Variants in ADGRV1 observed in about 807,000 individuals in gnomAD.
The protein encoded by ADGRV1 is G-protein coupled receptor 98.
In ADGRV1, 359 loss-of-function variants were observed where a neutral mutation model predicts 596.2. That is an observed-to-expected ratio of 0.60 (90% CI 0.55 to 0.66). ADGRV1 has a LOEUF of 0.66. ADGRV1 is among the 30% of genes least tolerant of loss of function. ADGRV1 has a pLI of 0.00. For synonymous variants in ADGRV1, 2,681 were observed against 2,679.2 expected (o/e 1.00, Z -0.02); for missense variants, 7,274 against 7,575.6 (o/e 0.96, Z 1.48).
intron 9 of ADGRV1, among the ~76,000 whole-genome samples, chr5:90,631,790 G>C (rs909634841): frequency 3.3e-5 from 5 of 152,044 alleles, no homozygotes; most frequent in African/African-American, 1.2e-4. Context: ...GGGCCCTTGT[G>C]AGCATTAAGT....
chr5:90,874,038 G>A (rs1581389199), intron 83 of ADGRV1, among the ~76,000 whole-genome samples: 1 of 152,064 alleles, frequency 6.6e-6, no homozygotes, highest in Non-Finnish European at 1.5e-5. Context: ...AGACTAAATT[G>A]ACTCTAATCA....
chr5:91,006,812 T>C (rs375294824), intron 85 of ADGRV1, among the ~76,000 whole-genome samples: 2 of 152,312 alleles, frequency 1.3e-5, no homozygotes, highest in African/African-American at 4.8e-5. Context: ...ATAGATCAGC[T>C]TCTGTATCTG....
At chr5:90,974,548 C>A (rs1041867025) in intron 84 of ADGRV1, among the ~76,000 whole-genome samples, 1 of 152,016 alleles carries the variant, frequency 6.6e-6, no homozygotes, top group Non-Finnish European at 1.5e-5. Flanking sequence ...TAATACCACA[C>A]GTCTACAACC....
intron 87 of ADGRV1, among the ~76,000 whole-genome samples, chr5:91,143,583 G>A (rs1403383745): frequency 6.6e-6 from 1 of 152,182 alleles, no homozygotes; most frequent in Non-Finnish European, 1.5e-5. Context: ...GCTCAAGGCT[G>A]GCTGAATCTG....
intron 21 of ADGRV1, among the ~76,000 whole-genome samples, chr5:90,671,943 A>G (rs188853082): frequency 1.5e-3 from 227 of 152,318 alleles, no homozygotes; most frequent in South Asian, 6.6e-3. Flanking sequence ...TATATTAAGC[A>G]TGGTATAAGA....
At chr5:90,710,117 T>A (rs1371464682) in intron 39 of ADGRV1, among the ~76,000 whole-genome samples, 1 of 152,166 alleles carries the variant, frequency 6.6e-6, no homozygotes, top group Non-Finnish European at 1.5e-5. Flanking sequence ...TCCTGGACAG[T>A]GTTGTTCTTT....
At chr5:91,109,441 G>A (rs1792174146) in intron 87 of ADGRV1, among the ~76,000 whole-genome samples, 1 of 152,140 alleles carries the variant, frequency 6.6e-6, no homozygotes, top group Admixed American at 6.6e-5. Context: ...GATTTTCACT[G>A]TGCTTTATTT....
At position 90,561,174 on chromosome 5, in the gene ADGRV1, C is replaced by A. The variant is rs148578783; in HGVS notation, c.22+2257C>A. On this transcript the variant is annotated intron_variant, in intron 1 of 89. Coordinates refer to ENST00000405460, the MANE Select transcript of ADGRV1 (RefSeq NM_032119.4). ...AGAAACCGAGGCAGAGAGATCTATG[C>A]CCTGGGAGGACCCACAAAAAAATAC... 3.5e-3 allele frequency among the ~76,000 whole-genome samples: 532 copies of A among 152,142 alleles called. 4 individuals are homozygous for A. The highest frequency in any genetic ancestry group is 0.012 in the African/African-American group (484 of 41,514).
chr5:90,770,684 C>T (rs1757595940), intron 59 of ADGRV1, among the ~76,000 whole-genome samples: 1 of 151,998 alleles, frequency 6.6e-6, no homozygotes, highest in South Asian at 2.1e-4. Flanking sequence ...TATATGTGCT[C>T]ATGGAAAACA....
chr5:90,883,512 C>T (rs1769991221), intron 83 of ADGRV1, among the ~76,000 whole-genome samples: 1 of 152,092 alleles, frequency 6.6e-6, no homozygotes, highest in South Asian at 2.1e-4. Context: ...ACTGGTCATT[C>T]CTGTGATACA....
chr5:90,849,334 C>G (rs918369959), intron 79 of ADGRV1, among the ~76,000 whole-genome samples: 1 of 152,136 alleles, frequency 6.6e-6, no homozygotes. Context: ...AATTTTATAA[C>G]TATATGTTAA....
intron 87 of ADGRV1, among the ~76,000 whole-genome samples, chr5:91,112,106 ACCAG>A (rs1792424691): frequency 6.6e-6 from 1 of 152,214 alleles, no homozygotes; most frequent in African/African-American, 2.4e-5. Flanking sequence ...CTGTTGATTG[ACCAG>A]GCATAGTTCT....
At chr5:90,912,625 G>A (rs116528925) in intron 83 of ADGRV1, among the ~76,000 whole-genome samples, 2,556 of 152,090 alleles carry the variant, frequency 0.017, 81 homozygotes, top group African/African-American at 0.058. Flanking sequence ...CTTACAATGT[G>A]GTATAAGTGA....
At chr5:90,627,093 G>A (rs2149375451) in intron 6 of ADGRV1, 118 bp from the exon 7 acceptor site, 2 of 555,730 alleles carry the variant, frequency 3.6e-6, no homozygotes, top group Non-Finnish European at 6.1e-6. Flanking sequence ...TGCTCCCTCA[G>A]TTAAAGAATT....
At chr5:90,992,945 A>C (rs1781090748) in intron 85 of ADGRV1, among the ~76,000 whole-genome samples, 1 of 152,190 alleles carries the variant, frequency 6.6e-6, no homozygotes, top group African/African-American at 2.4e-5. Flanking sequence ...GTGTGCATAC[A>C]TACTTACATA....
Position 90,810,220 on chromosome 5 carries a change from A to AT in ADGRV1, c.14973-6dup, listed in dbSNP as rs1219797163. On this transcript the variant is annotated splice_polypyrimidine_tract_variant and intron_variant, in intron 73 of 89. Transcript: ENST00000405460. ...AAAAAATCAATTTCTTCATGATTTAATTTTTTTCCCAGATCAGGTTTCATT... is the reference window on the plus strand; with the variant it reads ...AAAAAATCAATTTCTTCATGATTTAATTTTTTTTCCCAGATCAGGTTTCATT... The AT allele has an allele frequency of 6.6e-7, 1 of 1,521,056 alleles. No individual in the cohort carries two copies. Among genetic ancestry groups the AT allele is most frequent in the Admixed American group, 2.3e-5 (1 of 42,938 alleles). 94.2% of individuals were successfully genotyped at this position (1,521,056 alleles called of 1,614,324 possible).
chr5:90,804,360 C>G (rs1422507018), intron 71 of ADGRV1, among the ~76,000 whole-genome samples: 1 of 151,858 alleles, frequency 6.6e-6, no homozygotes, highest in Non-Finnish European at 1.5e-5. Context: ...CGAGATCGTA[C>G]CATTGCACTC....
At chr5:90,668,153 A>G (rs11952788) in intron 21 of ADGRV1, among the ~76,000 whole-genome samples, 4,698 of 151,260 alleles carry the variant, frequency 0.031, 232 homozygotes, top group African/African-American at 0.11. Flanking sequence ...CTGAGCTTCC[A>G]GGCTGCTTTG....
chr5:90,689,819 C>A (rs752756534), intron 29 of ADGRV1, 42 bp from the exon 30 acceptor site: 5 of 1,378,886 alleles, frequency 3.6e-6, no homozygotes, highest in South Asian at 1.2e-5. Flanking sequence ...ATGTTTTGAT[C>A]ATATTTTAGA....
Sources: gnomAD v4.1 joint callset for allele counts (sites outside exome capture counted in the v4.1 genomes callset) on GRCh38, gnomAD v4.1.1 for gene constraint, MANE v1.5 for transcripts, NCBI Gene and HGNC (gene_info 2026-07-23, HGNC 2026-07-21) for gene names.